Variants in ABI3BP observed in about 807,000 individuals in gnomAD.
The protein encoded by ABI3BP is target of Nesh-SH3.
A neutral mutation model predicts 268.6 loss-of-function variants in ABI3BP; 216 were observed. The ratio of observed to expected loss-of-function variants is 0.80; its 90% CI spans 0.72 to 0.90. The LOEUF is 0.90. ABI3BP is among the 40% of genes least tolerant of loss of function. The probability of loss-of-function intolerance (pLI) is 0.00; values close to 1 mark genes in which losing one functional copy is unlikely to be tolerated. For synonymous variants in ABI3BP, 730 were observed against 730.0 expected (o/e 1.00, Z 0.00); for missense variants, 2,090 against 2,182.4 (o/e 0.96, Z 0.84).
chr3:100,753,237 G>A (rs1047451404), intron 65 of ABI3BP, among the ~76,000 whole-genome samples: 7 of 151,970 alleles, frequency 4.6e-5, no homozygotes, highest in Non-Finnish European at 1.0e-4. Context: ...TTTGTAGCAT[G>A]TTATAAAGTT....
At chr3:100,796,558 T>G (rs1222743556) in intron 51 of ABI3BP, 90 bp from the exon 52 acceptor site, 5 of 953,832 alleles carry the variant, frequency 5.2e-6, no homozygotes, top group Non-Finnish European at 7.7e-6. Flanking sequence ...CCAGAAAGCA[T>G]GAATGAAGCA....
At chr3:100,893,647 A>C (rs772812960) in intron 4 of ABI3BP, among the ~76,000 whole-genome samples, 1 of 152,170 alleles carries the variant, frequency 6.6e-6, no homozygotes, top group African/African-American at 2.4e-5. Flanking sequence ...CAGATGGTGC[A>C]GAATTCAGAA....
intron 1 of ABI3BP, among the ~76,000 whole-genome samples, chr3:100,948,556 A>G (rs1015810950): frequency 6.6e-6 from 1 of 152,204 alleles, no homozygotes; most frequent in East Asian, 1.9e-4. Flanking sequence ...TGGCAGAGAC[A>G]GCCTGAGAAT....
At position 100,886,253 on chromosome 3, in the gene ABI3BP, C is replaced by T; in HGVS notation, c.532G>A (p.Glu178Lys). 1 of 1,611,038 alleles carries T rather than the reference C, an allele frequency of 6.2e-7. No individual in the cohort carries two copies. The highest frequency in any genetic ancestry group is 8.5e-7 in the Non-Finnish European group (1 of 1,178,284). The change falls in exon 5 of 68, where the codon GAA (glutamate) becomes AAA (lysine). Residue 178 changes from glutamate to lysine, a missense_variant. Coordinates refer to ENST00000471714, the MANE Select transcript of ABI3BP (RefSeq NM_001375547.2). Reference sequence around the variant, plus strand: ...GGCTTTAGGTTTTCCACAATTGTTTCAGTGGCTGGACAGATTTGAAAAATC... The same window carrying T: ...GGCTTTAGGTTTTCCACAATTGTTTTAGTGGCTGGACAGATTTGAAAAATC... ...KWIFQICPAT[E>K]TIVENLKPNT... is the part of the protein sequence containing the mutation.
chr3:100,909,601 G>A (rs1361422479), intron 2 of ABI3BP, among the ~76,000 whole-genome samples: 2 of 152,162 alleles, frequency 1.3e-5, no homozygotes, highest in Admixed American at 1.3e-4. Flanking sequence ...ATCAAAAAGT[G>A]GGCGAAGGAC....
At chr3:100,981,241 C>T (rs2089258522) in intron 1 of ABI3BP, among the ~76,000 whole-genome samples, 1 of 100,766 alleles carries the variant, frequency 9.9e-6, no homozygotes, top group African/African-American at 3.8e-5. Flanking sequence ...ACACTTTTGC[C>T]TTAAAAAAAA....
chr3:100,798,978 T>C (rs1461366128), intron 51 of ABI3BP, among the ~76,000 whole-genome samples: 4 of 152,182 alleles, frequency 2.6e-5, no homozygotes, highest in Non-Finnish European at 5.9e-5. Context: ...CCCTGTGCTC[T>C]TGGGCCACCC....
chr3:100,890,396 G>A (rs921710577), intron 4 of ABI3BP, among the ~76,000 whole-genome samples: 3 of 151,684 alleles, frequency 2.0e-5, no homozygotes, highest in Non-Finnish European at 4.4e-5. Flanking sequence ...TTCTCTCTTT[G>A]TCCCACTCTG....
intron 14 of ABI3BP, among the ~76,000 whole-genome samples, chr3:100,855,677 A>G (rs1018692434): frequency 2.0e-5 from 3 of 152,254 alleles, no homozygotes; most frequent in Non-Finnish European, 4.4e-5. Flanking sequence ...TATGATGTGC[A>G]CGTGTGTACA....
At chr3:100,978,000 G>C (rs1180133944) in intron 1 of ABI3BP, among the ~76,000 whole-genome samples, 3 of 152,102 alleles carry the variant, frequency 2.0e-5, no homozygotes, top group Non-Finnish European at 2.9e-5. Context: ...CATCTGTCTA[G>C]ACAGCTCTTA....
intron 51 of ABI3BP, among the ~76,000 whole-genome samples, chr3:100,800,371 CA>C (rs2152322708): frequency 6.6e-6 from 1 of 152,312 alleles, no homozygotes; most frequent in East Asian, 1.9e-4. Context: ...AAGTGCTTAG[CA>C]TAACCTAAAA....
Position 100,863,899 on chromosome 3 carries a change from A to G in ABI3BP, c.1138+103T>C, listed in dbSNP as rs2099024118. ...AAACTTGAAGACTGTGTCACCTTTA[A>G]GGGATTGGGTATAAATTAGCGTAAT... On this transcript the variant is annotated intron_variant, in intron 12 of 67. Transcript: ENST00000471714. 3.5e-6 allele frequency: 3 copies of G among 864,738 alleles called. No homozygotes were observed. The East Asian group carries it at 8.0e-5, about 23-fold the overall frequency. The allele number at this position is 864,738 out of a possible 1,614,324, so 53.6% of individuals were successfully genotyped here.
chr3:100,838,868 T>C (rs1260333598), intron 24 of ABI3BP, among the ~76,000 whole-genome samples: 3 of 152,166 alleles, frequency 2.0e-5, no homozygotes, highest in Admixed American at 1.3e-4. Flanking sequence ...AAATTACACA[T>C]GAGAAATAAT....
intron 34 of ABI3BP, 112 bp downstream of exon 34, chr3:100,828,281 T>A (rs2098424246): frequency 5.5e-6 from 5 of 917,064 alleles, no homozygotes; most frequent in Admixed American, 2.4e-5. Flanking sequence ...ACTTGTTTTA[T>A]GCATGTTCAA....
Position 100,780,143 on chromosome 3 carries a change from G to C in ABI3BP, c.4229C>G (p.Thr1410Ser). 6.2e-7 allele frequency: 1 copy of C among 1,612,842 alleles called. No individual in the cohort carries two copies. The highest frequency in any genetic ancestry group is 8.5e-7 in the Non-Finnish European group (1 of 1,179,106). ...ATGTTATTACTTACCTGGCTTTTTAGTGGGGTGGGTAGAGTCCACTGATAC... is the reference window on the plus strand; with the variant it reads ...ATGTTATTACTTACCTGGCTTTTTACTGGGGTGGGTAGAGTCCACTGATAC... ...RNVSVDSTHP[T>S]KKPGTRRPPL... is the part of the protein sequence containing the mutation. Residue 1410 changes from threonine to serine, a missense_variant, in exon 58 of 68, where the codon ACT becomes AGT. Coordinates refer to ENST00000471714, the MANE Select transcript of ABI3BP (RefSeq NM_001375547.2).
intron 1 of ABI3BP, among the ~76,000 whole-genome samples, chr3:100,962,385 T>G (rs998723513): frequency 5.9e-5 from 9 of 152,204 alleles, no homozygotes; most frequent in Admixed American, 1.3e-4. Flanking sequence ...AAAATTGCAC[T>G]ATTCCATGAA....
intron 48 of ABI3BP, among the ~76,000 whole-genome samples, 151 bp from the exon 49 acceptor site, chr3:100,810,628 C>T (rs2097841573): frequency 6.6e-6 from 1 of 151,880 alleles, no homozygotes; most frequent in Non-Finnish European, 1.5e-5. Context: ...CTTCATAATG[C>T]ATTTGGTTAA....
intron 1 of ABI3BP, among the ~76,000 whole-genome samples, chr3:100,931,683 A>T (rs1201173061): frequency 6.6e-6 from 1 of 152,104 alleles, no homozygotes; most frequent in Non-Finnish European, 1.5e-5. Context: ...AGAATTACGA[A>T]ACACTGCTGA....
At chr3:100,771,394 T>TA (rs538470699) in intron 61 of ABI3BP, among the ~76,000 whole-genome samples, 26 of 148,012 alleles carry the variant, frequency 1.8e-4, no homozygotes, top group South Asian at 8.5e-4. Context: ...TAGGAATAAT[T>TA]AAAAAAAAAA....
Sources: allele counts gnomAD v4.1 joint callset (sites outside exome capture counted in the v4.1 genomes callset), GRCh38; gene constraint gnomAD v4.1.1; transcripts MANE v1.5; gene names NCBI Gene and HGNC (gene_info 2026-07-23, HGNC 2026-07-21).